ROCK2: variants seen among roughly 807,000 people sequenced by gnomAD.
ROCK2 encodes Rho associated coiled-coil containing protein kinase 2, also known as rho-associated protein kinase 2.
A neutral mutation model predicts 195.1 loss-of-function variants in ROCK2; 61 were observed. The observed-to-expected ratio is 0.31, with a 90% CI of 0.25 to 0.39. The LOEUF is 0.39. Ranked by LOEUF, ROCK2 falls within the 10% of genes least tolerant of loss-of-function variation. The pLI, the probability that ROCK2 is intolerant of heterozygous loss-of-function variation, is 1.00. For missense variants in ROCK2, 1,109 were observed against 1,637.4 expected, an observed-to-expected ratio of 0.68 and a Z score of 5.57; for synonymous variants, 504 against 545.5, an observed-to-expected ratio of 0.92 and a Z score of 1.06.
At chr2:11,337,548 G>C (rs921531807) in intron 1 of ROCK2, among the ~76,000 whole-genome samples, 1 of 152,110 alleles carries the variant, frequency 6.6e-6, no homozygotes, top group South Asian at 2.1e-4. Flanking sequence ...AGCAGTGTCG[G>C]GGAAGATGTG....
chr2:11,192,620 T>G lies in ROCK2; in HGVS notation c.3780A>C (p.Gly1260=). 6.2e-7 allele frequency: 1 copy of G among 1,614,016 alleles called. No homozygotes were observed. Residue 1260 remains glycine (G), a synonymous_variant, in exon 31 of 33, where the codon GGA becomes GGC. Coordinates refer to ENST00000315872, the MANE Select transcript of ROCK2 (RefSeq NM_004850.5). The surrounding 1 kb of genome is among the most constrained non-coding windows in gnomAD (Gnocchi z 5.0). The stretch of plus-strand genomic sequence containing the variant: ...GATAAAGAGTAGGAATAAACTCATG[T>G]CCCTTGTGGCAAATATAATTAGATT... ...GEKSNYICHK[G]HEFIPTLYHF...
intron 20 of ROCK2, among the ~76,000 whole-genome samples, chr2:11,205,997 T>C (rs573719348): frequency 6.6e-6 from 1 of 152,006 alleles, no homozygotes; most frequent in African/African-American, 2.4e-5. Flanking sequence ...TATTCCCAGC[T>C]ACTTGGGAGG....
chr2:11,335,108 T>TACACACACACACAC (rs59721285), intron 1 of ROCK2, among the ~76,000 whole-genome samples: 4 of 145,028 alleles, frequency 2.8e-5, no homozygotes, highest in African/African-American at 1.0e-4. Flanking sequence ...CTTTGACTGA[T>TACACACACACACAC]ACACACACAC....
At chr2:11,301,115 G>A (rs1203310517) in intron 1 of ROCK2, among the ~76,000 whole-genome samples, 1 of 152,050 alleles carries the variant, frequency 6.6e-6, no homozygotes, top group Non-Finnish European at 1.5e-5. Flanking sequence ...AGTGGGGAAA[G>A]AAAAAGTTTG....
At chr2:11,329,173 T>C (rs559969777) in intron 1 of ROCK2, among the ~76,000 whole-genome samples, 20 of 152,170 alleles carry the variant, frequency 1.3e-4, no homozygotes, top group African/African-American at 4.6e-4. Context: ...ACTACCTTGG[T>C]GGGGAAACTC....
intron 3 of ROCK2, among the ~76,000 whole-genome samples, chr2:11,266,839 G>T (rs367575912): frequency 6.6e-6 from 1 of 151,914 alleles, no homozygotes; most frequent in South Asian, 2.1e-4. Context: ...TAAACTCTTG[G>T]GTCAGGTCAT....
In ROCK2 at chr2:11,235,611, CT is replaced by C. The variant is rs1665175883; in HGVS notation, c.723+90del. ...ATACAGTTATGAAAACTAAATTTAC[CT>C]TTGTTCAAAACTATGAAGACCTGAC... On this transcript the variant is annotated intron_variant, in intron 5 of 32. Coordinates refer to ENST00000315872, the MANE Select transcript of ROCK2 (RefSeq NM_004850.5). This position sits in a 1 kb window ranked among gnomAD's most constrained non-coding sequence, Gnocchi z 4.2. 7.3e-7 allele frequency: 1 copy of C among 1,372,914 alleles called. No homozygotes were observed. The highest frequency in any genetic ancestry group is 1.4e-5 in the South Asian group (1 of 69,850). 85.0% of individuals were successfully genotyped at this position (1,372,914 alleles called of 1,614,324 possible).
chr2:11,241,819 G>C (rs951597187), intron 4 of ROCK2, among the ~76,000 whole-genome samples: 19 of 152,312 alleles, frequency 1.2e-4, no homozygotes, highest in Admixed American at 7.2e-4. Flanking sequence ...AAATTCATAT[G>C]AAATCTTAAT....
intron 3 of ROCK2, among the ~76,000 whole-genome samples, chr2:11,264,840 T>C (rs942430604): frequency 6.6e-6 from 1 of 152,124 alleles, no homozygotes; most frequent in Non-Finnish European, 1.5e-5. Flanking sequence ...GATATGTGAA[T>C]ATTACTAAGA....
chr2:11,339,109 C>A (rs1669024788), intron 1 of ROCK2, among the ~76,000 whole-genome samples: 1 of 152,050 alleles, frequency 6.6e-6, no homozygotes, highest in Non-Finnish European at 1.5e-5. Flanking sequence ...TCATTGCATG[C>A]AAATTTAATC....
intron 3 of ROCK2, among the ~76,000 whole-genome samples, chr2:11,260,618 C>G (rs560285393): frequency 6.6e-6 from 1 of 152,208 alleles, no homozygotes; most frequent in East Asian, 1.9e-4. Flanking sequence ...TTAATTTATA[C>G]AGTATTATTA....
At chr2:11,223,657 G>C (rs1480951106) in intron 7 of ROCK2, among the ~76,000 whole-genome samples, 7 of 152,136 alleles carry the variant, frequency 4.6e-5, no homozygotes, top group African/African-American at 1.7e-4. Flanking sequence ...GTGTAAGTTT[G>C]AACGAGGGTG....
intron 4 of ROCK2, among the ~76,000 whole-genome samples, chr2:11,237,135 A>G (rs561762381): frequency 6.0e-4 from 92 of 152,320 alleles, no homozygotes; most frequent in African/African-American, 2.2e-3. Flanking sequence ...CTGGGCAACA[A>G]GAGCAAAACT....
intron 4 of ROCK2, among the ~76,000 whole-genome samples, chr2:11,246,092 C>T (rs1665603808): frequency 6.6e-6 from 1 of 152,056 alleles, no homozygotes. Context: ...AGACACTGAG[C>T]ACAAATAGCT....
At chr2:11,199,501 T>G (rs919539099) in intron 23 of ROCK2, among the ~76,000 whole-genome samples, 2 of 151,796 alleles carry the variant, frequency 1.3e-5, no homozygotes, top group Admixed American at 6.6e-5. Context: ...AAAATTTTTT[T>G]TTTTTTTTGG....
intron 32 of ROCK2, among the ~76,000 whole-genome samples, chr2:11,187,966 C>T (rs1360657073): frequency 6.6e-6 from 1 of 152,084 alleles, no homozygotes; most frequent in Non-Finnish European, 1.5e-5. Context: ...ATGTTTTACA[C>T]TTCTTAAAAC....
intron 1 of ROCK2, among the ~76,000 whole-genome samples, chr2:11,299,130 C>T (rs1380632901): frequency 6.6e-6 from 1 of 151,572 alleles, no homozygotes; most frequent in Non-Finnish European, 1.5e-5. Flanking sequence ...AAAAATTAGC[C>T]GGGTGTGGTG....
At chr2:11,342,784 A>G (rs895293215) in intron 1 of ROCK2, among the ~76,000 whole-genome samples, 2 of 152,246 alleles carry the variant, frequency 1.3e-5, no homozygotes, top group East Asian at 1.9e-4. Context: ...ATGTGACACA[A>G]TATAGCACAT....
intron 3 of ROCK2, among the ~76,000 whole-genome samples, chr2:11,274,471 A>G (rs564986740): frequency 6.6e-6 from 1 of 152,328 alleles, no homozygotes; most frequent in East Asian, 1.9e-4. Flanking sequence ...TGATTAAGAG[A>G]GTACTCTGAC....
Sources: allele counts gnomAD v4.1 joint callset (sites outside exome capture counted in the v4.1 genomes callset), GRCh38; gene constraint gnomAD v4.1.1; non-coding constraint Gnocchi (gnomAD v3.1); transcripts MANE v1.5; gene names NCBI Gene and HGNC (gene_info 2026-07-23, HGNC 2026-07-21).